MAN2A1: variants seen among roughly 807,000 people sequenced by gnomAD.
MAN2A1 encodes the protein mannosidase alpha class 2A member 1, also known as alpha-mannosidase 2.
MAN2A1 carries 76 observed loss-of-function variants against 142.6 expected under a neutral mutation model. The observed-to-expected ratio is 0.53, with a 90% confidence interval of 0.44 to 0.65. The LOEUF is 0.65. MAN2A1 is among the 30% of genes least tolerant of loss of function. MAN2A1 has a pLI of 0.00. For synonymous variants in MAN2A1, 559 were observed against 473.2 expected, an observed-to-expected ratio of 1.18 and a Z score of -2.35; for missense variants, 1,311 against 1,365.1, an observed-to-expected ratio of 0.96 and a Z score of 0.62.
At chr5:109,811,889 T>TACCAAGAAAC (rs1754329771) in intron 12 of MAN2A1, among the ~76,000 whole-genome samples, 5 of 152,314 alleles carry the variant, frequency 3.3e-5, no homozygotes, top group Non-Finnish European at 7.3e-5. Context: ...TACCATGTTA[T>TACCAAGAAAC]CAGAATTCTT....
intron 1 of MAN2A1, among the ~76,000 whole-genome samples, chr5:109,710,936 C>A (rs569856314): frequency 6.6e-6 from 1 of 152,126 alleles, no homozygotes; most frequent in South Asian, 2.1e-4. Flanking sequence ...GTGATCCGCC[C>A]GCTTCGGACT....
intron 1 of MAN2A1, among the ~76,000 whole-genome samples, chr5:109,694,977 G>A (rs1009754575): frequency 6.6e-6 from 1 of 152,156 alleles, no homozygotes. Flanking sequence ...GATATAATGC[G>A]GAGATCTGTG....
In MAN2A1 at chr5:109,716,908, C is replaced by T. The variant is rs763734575; in HGVS notation, c.535+644C>T. 3.9e-5 allele frequency among the ~76,000 whole-genome samples: 6 copies of T among 152,134 alleles called. No homozygotes were observed. In the East Asian group the frequency reaches 5.8e-4, roughly 15 times the overall value. On this transcript the variant is annotated intron_variant, in intron 3 of 21. Transcript: ENST00000261483. ...TCATTATTGTTACTGCATATGATGG[C>T]GTTTATTTATTGGGACCACAGATTC...
chr5:109,845,822 T>C (rs1290565751), intron 17 of MAN2A1, 43 bp from the exon 18 acceptor site: 15 of 1,548,820 alleles, frequency 9.7e-6, no homozygotes, highest in Admixed American at 1.9e-5. Context: ...AAAGAACATA[T>C]GTAAATATCA....
intron 12 of MAN2A1, among the ~76,000 whole-genome samples, chr5:109,806,337 A>G (rs549016337): frequency 6.6e-6 from 1 of 152,186 alleles, no homozygotes; most frequent in African/African-American, 2.4e-5. Context: ...GAACCATTCT[A>G]TGCTTCTGTA....
chr5:109,760,120 A>G (rs569816040), intron 5 of MAN2A1, among the ~76,000 whole-genome samples: 1 of 152,080 alleles, frequency 6.6e-6, no homozygotes, highest in South Asian at 2.1e-4. Flanking sequence ...TATTTCTCCT[A>G]ATGCTATCCC....
intron 4 of MAN2A1, among the ~76,000 whole-genome samples, chr5:109,735,916 C>G (rs1752082580): frequency 9.3e-6 from 1 of 107,892 alleles, no homozygotes. Flanking sequence ...TGATAGGAGG[C>G]TTAAAATGCT....
chr5:109,830,919 T>A (rs1754890423), intron 16 of MAN2A1, among the ~76,000 whole-genome samples: 1 of 152,204 alleles, frequency 6.6e-6, no homozygotes, highest in South Asian at 2.1e-4. Flanking sequence ...TTGGGGCTGT[T>A]TGAGAGCAGC....
intron 9 of MAN2A1, among the ~76,000 whole-genome samples, chr5:109,783,032 A>T (rs911455202): frequency 6.6e-6 from 1 of 152,112 alleles, no homozygotes; most frequent in Admixed American, 6.5e-5. Context: ...AATATCAACC[A>T]GTTATCTCTT....
chr5:109,696,350 T>C (rs2300988), intron 1 of MAN2A1, among the ~76,000 whole-genome samples: 113,069 of 152,166 alleles, frequency 0.74, 43,058 homozygotes, highest in East Asian at 0.94. Context: ...CTGCCCGCCT[T>C]GACCTCCCAA....
chr5:109,865,317 C>T, intron 21 of MAN2A1, 171 bp downstream of exon 21: 2 of 592,416 alleles, frequency 3.4e-6, no homozygotes, highest in Non-Finnish European at 3.0e-6. Context: ...CTCAAAACTT[C>T]AGCCTCCTTT....
chr5:109,822,176 T>C (rs1754643404), intron 15 of MAN2A1, among the ~76,000 whole-genome samples: 1 of 150,760 alleles, frequency 6.6e-6, no homozygotes, highest in Non-Finnish European at 1.5e-5. Flanking sequence ...TTTTTCTTTT[T>C]TTTTTTTTTT....
At position 109,814,103 on chromosome 5, in the gene MAN2A1, G is replaced by C. The variant is rs148407967; in HGVS notation, c.1944-3170G>C. Among the ~76,000 whole-genome samples, 73 of 152,268 alleles carry C rather than the reference G, an allele frequency of 4.8e-4. 1 individual carries two copies. The highest frequency in any genetic ancestry group is 3.4e-3 in the Middle Eastern group (1 of 294). On this transcript the variant is annotated intron_variant, in intron 12 of 21. Transcript: ENST00000261483. ...TGACTTGGTGACAGATGATACGTAA[G>C]AAGCTAATGCTGATGTGGTGGAAAT... is the stretch of plus-strand genomic sequence containing the variant.
chr5:109,802,382 C>A (rs903307777), intron 12 of MAN2A1, among the ~76,000 whole-genome samples: 37 of 152,084 alleles, frequency 2.4e-4, no homozygotes, highest in African/African-American at 8.4e-4. Context: ...CATGTCAGTT[C>A]TGTTTAGATT....
At chr5:109,696,363 T>C (rs902686034) in intron 1 of MAN2A1, among the ~76,000 whole-genome samples, 6 of 152,220 alleles carry the variant, frequency 3.9e-5, no homozygotes, top group Non-Finnish European at 5.9e-5. Flanking sequence ...CCTCCCAACA[T>C]GTTGGGATTA....
At chr5:109,864,453 A>G (rs1412097480) in intron 20 of MAN2A1, 2 of 152,204 alleles carry the variant, frequency 1.3e-5, no homozygotes, top group Non-Finnish European at 2.9e-5. Context: ...ATCAATTTAA[A>G]TGATACATCA....
At chr5:109,761,065 A>T (rs1313406274) in intron 5 of MAN2A1, among the ~76,000 whole-genome samples, 1 of 151,466 alleles carries the variant, frequency 6.6e-6, no homozygotes, top group Non-Finnish European at 1.5e-5. Context: ...ACCAGTATAT[A>T]AGAAAATTTT....
At position 109,789,011 on chromosome 5, in the gene MAN2A1, C is replaced by G. The variant is rs568319020; in HGVS notation, c.1838C>G (p.Thr613Arg). ...AFLLILKDKL[T>R]YDSYSPDTFL... Reference sequence around the variant, plus strand: ...CTTCTTATTTTGAAGGACAAACTCACATACGACTCTTACTCTCCTGATACC... The same window carrying G: ...CTTCTTATTTTGAAGGACAAACTCAGATACGACTCTTACTCTCCTGATACC... Residue 613 changes from threonine (T) to arginine (R), a missense_variant, in exon 11 of 22, where the codon ACA (threonine) becomes AGA (arginine). Thr to Arg is a moderately conservative substitution (Grantham distance 71). Transcript: ENST00000261483. The G allele has an allele frequency of 1.9e-6, 3 of 1,601,414 alleles. No individual in the cohort carries two copies. Among genetic ancestry groups the G allele is most frequent in the Non-Finnish European group, 2.6e-6 (3 of 1,170,092 alleles).
chr5:109,712,854 C>T (rs564310000), intron 1 of MAN2A1, among the ~76,000 whole-genome samples: 1 of 152,140 alleles, frequency 6.6e-6, no homozygotes, highest in Non-Finnish European at 1.5e-5. Flanking sequence ...TGTCCCTGCT[C>T]TCATAAGGTG....
Sources: allele counts gnomAD v4.1 joint callset (sites outside exome capture counted in the v4.1 genomes callset), GRCh38; gene constraint gnomAD v4.1.1; transcripts MANE v1.5; gene names NCBI Gene and HGNC (gene_info 2026-07-23, HGNC 2026-07-21).